CDC5L: variants seen among roughly 807,000 people sequenced by gnomAD.
The protein encoded by CDC5L is cell division cycle 5 like.
In CDC5L, 18 loss-of-function variants were observed where a neutral mutation model predicts 104.1. The observed-to-expected ratio is 0.17, with a 90% CI of 0.12 to 0.26. CDC5L has a LOEUF of 0.26. Among genes scored for constraint, CDC5L ranks in the 10% least tolerant of loss-of-function variants. The pLI, the probability that CDC5L is intolerant of heterozygous loss-of-function variation, is 1.00. For missense variants in CDC5L, 673 were observed against 956.9 expected (o/e 0.70, Z 3.91); for synonymous variants, 331 against 322.7 (o/e 1.03, Z -0.28).
chr6:44,394,870 AAAAAAAAAAAAAAAATG>A (rs1272405075), intron 4 of CDC5L, among the ~76,000 whole-genome samples: 1 of 76,710 alleles, frequency 1.3e-5, no homozygotes, highest in East Asian at 3.9e-4. Context: ...AAAAAAAAAA[AAAAAAAAAAAAAAAATG>A]GTATACACAC....
rs1422743625 is a variant in CDC5L, at chr6:44,407,744, A to G, written c.904-700A>G. Among the ~76,000 whole-genome samples the G allele has an allele frequency of 3.9e-5, 6 of 152,338 alleles. No individual in the cohort carries two copies. In the East Asian group the frequency reaches 7.7e-4, roughly 20 times the overall value. On this transcript the variant is annotated intron_variant, in intron 7 of 15. Transcript: ENST00000371477. ...AAGAACTCTTTTCCCACATGAGCAC[A>G]TTGGCTGCATCAACACAAGATTCTT...
At chr6:44,436,472 A>G (rs1726759999) in intron 14 of CDC5L, among the ~76,000 whole-genome samples, 2 of 152,210 alleles carry the variant, frequency 1.3e-5, no homozygotes, top group African/African-American at 4.8e-5. Flanking sequence ...GTGTGTTGAA[A>G]TAGTTGACAT....
chr6:44,418,336 T>C (rs1056007688), intron 8 of CDC5L, among the ~76,000 whole-genome samples: 51 of 152,364 alleles, frequency 3.3e-4, no homozygotes, highest in Non-Finnish European at 6.3e-4. Context: ...TCATCATTTT[T>C]TATGGCTGCA....
chr6:44,416,840 AT>A (rs1391263100), intron 8 of CDC5L, among the ~76,000 whole-genome samples: 1 of 152,080 alleles, frequency 6.6e-6, no homozygotes, highest in African/African-American at 2.4e-5. Context: ...TTGCCATTTG[AT>A]TCTTATTTCT....
chr6:44,441,165 C>G (rs1286208836), intron 14 of CDC5L, among the ~76,000 whole-genome samples: 1 of 152,218 alleles, frequency 6.6e-6, no homozygotes, highest in Non-Finnish European at 1.5e-5. Context: ...CCAGTATCCT[C>G]TGGTAGCCAC....
intron 9 of CDC5L, among the ~76,000 whole-genome samples, chr6:44,421,943 T>C (rs1333492539): frequency 6.6e-6 from 1 of 152,180 alleles, no homozygotes; most frequent in South Asian, 2.1e-4. Context: ...CCATGTCTTA[T>C]GTGATAACAC....
chr6:44,392,599 T>A (rs997803605), intron 2 of CDC5L, 68 bp from the exon 3 acceptor site: 1 of 1,371,228 alleles, frequency 7.3e-7, no homozygotes, highest in Non-Finnish European at 1.0e-6. Flanking sequence ...AGTCAGTGTA[T>A]CCATTGTGCA....
At chr6:44,398,178 G>T (rs898426902) in intron 5 of CDC5L, among the ~76,000 whole-genome samples, 1 of 152,138 alleles carries the variant, frequency 6.6e-6, no homozygotes, top group African/African-American at 2.4e-5. Context: ...ATTAGCTGCC[G>T]GGGACAGTAA....
chr6:44,410,478 T>C (rs1791577154), intron 8 of CDC5L, among the ~76,000 whole-genome samples: 1 of 152,236 alleles, frequency 6.6e-6, no homozygotes, highest in East Asian at 1.9e-4. Context: ...CCTTAGGTTG[T>C]TTCCAGAGGT....
At chr6:44,419,666 T>G (rs1240766164) in intron 9 of CDC5L, 69 bp downstream of exon 9, 3 of 1,236,724 alleles carry the variant, frequency 2.4e-6, no homozygotes, top group Non-Finnish European at 3.6e-6. Flanking sequence ...TTTGCTTTAG[T>G]AATGTTTACG....
intron 14 of CDC5L, among the ~76,000 whole-genome samples, chr6:44,438,665 C>CT (rs749816182): frequency 0.027 from 2,876 of 106,238 alleles, 87 homozygotes; most frequent in African/African-American, 0.08. Flanking sequence ...GAAGTTTTGT[C>CT]TTTTTTTTTT....
At chr6:44,403,745 T>C (rs1791239612) in intron 5 of CDC5L, 64 bp from the exon 6 acceptor site, 6 of 1,111,700 alleles carry the variant, frequency 5.4e-6, no homozygotes, top group Admixed American at 4.4e-5. Context: ...TTTTTAACTG[T>C]ATGGGATAAT....
rs773786751 is a variant in CDC5L, at chr6:44,393,164, G to GTT, written c.312-258_312-257dup. 1.6e-3 allele frequency among the ~76,000 whole-genome samples: 169 copies of GTT among 107,114 alleles called. 1 individual carries two copies. Among genetic ancestry groups the GTT allele is most frequent in the East Asian group, 2.4e-3 (8 of 3,344 alleles). 70.3% of individuals were successfully genotyped at this position (107,114 alleles called of 152,430 possible). A position where few individuals can be genotyped will look rare whatever the true frequency, so the allele number is the denominator to read the frequency against. On this transcript the variant is annotated intron_variant, in intron 3 of 15. Coordinates refer to ENST00000371477, the MANE Select transcript of CDC5L (RefSeq NM_001253.4). The stretch of plus-strand genomic sequence containing the variant: ...GGAACATTTTGGTTCTTTACTAATA[G>GTT]TTTTTTTTTTTTTTTTTTTTTTTTT...
At chr6:44,424,024 G>T (rs777595529) in intron 10 of CDC5L, among the ~76,000 whole-genome samples, 1 of 152,002 alleles carries the variant, frequency 6.6e-6, no homozygotes, top group South Asian at 2.1e-4. Context: ...GGAAGAAGGG[G>T]GGATAGAAAA....
chr6:44,390,239 T>C (rs760478246), intron 1 of CDC5L, 29 bp from the exon 2 acceptor site: 1 of 1,441,256 alleles, frequency 6.9e-7, no homozygotes, highest in South Asian at 1.1e-5. Context: ...GTTTTGTGAC[T>C]GAATGTACTC....
chr6:44,393,434 G>A lies in CDC5L; in HGVS notation c.312-12G>A, dbSNP rs1480464529. On this transcript the variant is annotated splice_polypyrimidine_tract_variant and intron_variant, in intron 3 of 15. Coordinates refer to ENST00000371477, the MANE Select transcript of CDC5L (RefSeq NM_001253.4). ...ACTGTAGTGTGACTAACTCCTATGG[G>A]CTTTTTTCTAGGGATAAAGCTGCCC... is the stretch of plus-strand genomic sequence containing the variant. 6 of 1,612,428 alleles carry A rather than the reference G, an allele frequency of 3.7e-6. No homozygotes were observed. The South Asian group carries it at 6.6e-5, about 18-fold the overall frequency.
chr6:44,442,952 T>C (rs941063518), intron 14 of CDC5L, among the ~76,000 whole-genome samples: 7 of 152,162 alleles, frequency 4.6e-5, no homozygotes, highest in African/African-American at 1.7e-4. Flanking sequence ...AAAAAGTCTT[T>C]ATCATCCATT....
Position 44,446,877 on chromosome 6 carries a change from T to A in CDC5L, c.*166T>A. 2.3e-6 allele frequency: 1 copy of A among 425,652 alleles called. No individual in the cohort carries two copies. Among genetic ancestry groups the A allele is most frequent in the Non-Finnish European group, 4.2e-6 (1 of 240,946 alleles). 26.4% of individuals were successfully genotyped at this position (425,652 alleles called of 1,614,324 possible). A position where few individuals can be genotyped will look rare whatever the true frequency, so the allele number is the denominator to read the frequency against. On this transcript the variant is annotated 3_prime_UTR_variant, in exon 16 of 16. Transcript: ENST00000371477. ...TTACACATTCTGTGTATAAAGACCT[T>A]AACTCCACAGGACGGACATTTTAGA...
At chr6:44,445,997 A>G (rs1397292913) in intron 15 of CDC5L, 130 bp downstream of exon 15, 5 of 714,454 alleles carry the variant, frequency 7.0e-6, no homozygotes, top group East Asian at 2.7e-5. Context: ...ATGAGAGCCT[A>G]AAGTGTTTGA....
Sources: allele counts gnomAD v4.1 joint callset (sites outside exome capture counted in the v4.1 genomes callset), GRCh38; gene constraint gnomAD v4.1.1; transcripts MANE v1.5; gene names NCBI Gene and HGNC (gene_info 2026-07-23, HGNC 2026-07-21).